The following DCDC1 variants were observed in gnomAD, a reference collection of about 807,000 sequenced individuals.
DCDC1 encodes the protein doublecortin domain containing 1, also known as doublecortin domain-containing protein 1.
In DCDC1, 200 loss-of-function variants were observed where a neutral mutation model predicts 178.3. The ratio of observed to expected loss-of-function variants is 1.12; its 90% CI spans 1.00 to 1.26. The LOEUF (loss-of-function observed/expected upper bound fraction) is 1.26, where lower values mean the gene tolerates loss of function less well. Ranked by LOEUF, DCDC1 falls within the 50% of genes most tolerant of loss-of-function variation. The pLI is 0.00. For synonymous variants in DCDC1, 690 were observed against 604.8 expected (o/e 1.14, Z -2.07); for missense variants, 1,983 against 1,749.2 (o/e 1.13, Z -2.38).
intron 9 of DCDC1, among the ~76,000 whole-genome samples, chr11:31,140,923 T>C (rs1440799401): frequency 6.6e-6 from 1 of 152,170 alleles, no homozygotes; most frequent in Non-Finnish European, 1.5e-5. Flanking sequence ...AGTTTAGTAA[T>C]ATATAGTTCT....
chr11:31,039,434 T>C (rs1336271007), intron 20 of DCDC1, among the ~76,000 whole-genome samples: 1 of 152,216 alleles, frequency 6.6e-6, no homozygotes, highest in Non-Finnish European at 1.5e-5. Flanking sequence ...TTGTTCCACT[T>C]ACTAGCTCTT....
chr11:31,331,944 A>G (rs901395396), intron 2 of DCDC1, among the ~76,000 whole-genome samples: 2 of 152,140 alleles, frequency 1.3e-5, no homozygotes, highest in Non-Finnish European at 2.9e-5. Context: ...GAATAGTTTC[A>G]GAAGAAATGG....
rs541688162 is a variant in DCDC1 at position 30,993,608 on chromosome 11, C to T, written c.2592-41040G>A. 1.1e-3 allele frequency among the ~76,000 whole-genome samples: 168 copies of T among 152,050 alleles called. 1 individual carries two copies. Among genetic ancestry groups the T allele is most frequent in the African/African-American group, 3.5e-3 (145 of 41,524 alleles). Reference sequence around the variant, plus strand: ...AAAACAAGACAATAATAACTGATATCAGAAATGAAAAACAAGACATCACTA... The same window carrying T: ...AAAACAAGACAATAATAACTGATATTAGAAATGAAAAACAAGACATCACTA... On this transcript the variant is annotated intron_variant, in intron 20 of 38. Transcript: ENST00000684477.
At chr11:31,290,485 C>T (rs555482160) in intron 7 of DCDC1, among the ~76,000 whole-genome samples, 162 bp downstream of exon 7, 1 of 152,034 alleles carries the variant, frequency 6.6e-6, no homozygotes, top group Admixed American at 6.6e-5. Flanking sequence ...GTGCAATAAG[C>T]AGACTTATAA....
At chr11:31,006,679 TTGTC>T (rs1169778167) in intron 20 of DCDC1, among the ~76,000 whole-genome samples, 2 of 152,182 alleles carry the variant, frequency 1.3e-5, no homozygotes, top group Non-Finnish European at 2.9e-5. Flanking sequence ...TGACAATACT[TTGTC>T]TGGAGCGTAG....
intron 20 of DCDC1, among the ~76,000 whole-genome samples, chr11:31,015,092 G>A (rs566839294): frequency 1.1e-4 from 16 of 151,696 alleles, no homozygotes; most frequent in Non-Finnish European, 2.1e-4. Context: ...GACTACAGGC[G>A]CCTGCCACCA....
rs549709115 is a variant in DCDC1, at chr11:31,085,955, C to T, written c.2237+5438G>A. ...GTTGCCCAGGCTGGTCTCAAACTCCCGGTCTCAAGCAATCCCTCCCTCCTC... is the reference window on the plus strand; with the variant it reads ...GTTGCCCAGGCTGGTCTCAAACTCCTGGTCTCAAGCAATCCCTCCCTCCTC... On this transcript the variant is annotated intron_variant, in intron 17 of 38. Coordinates refer to ENST00000684477, the MANE Select transcript of DCDC1 (RefSeq NM_001387274.1). Among the ~76,000 whole-genome samples the T allele has an allele frequency of 2.6e-5, 4 of 152,050 alleles. No homozygotes were observed. The East Asian group carries it at 5.8e-4, about 22-fold the overall frequency.
At chr11:31,023,761 G>A (rs1383339973) in intron 20 of DCDC1, among the ~76,000 whole-genome samples, 6 of 151,744 alleles carry the variant, frequency 4.0e-5, no homozygotes, top group Non-Finnish European at 8.8e-5. Flanking sequence ...GATATTAACC[G>A]AGAATTCACA....
intron 6 of DCDC1, among the ~76,000 whole-genome samples, chr11:31,297,367 T>TTA (rs397849398): frequency 2.6e-5 from 4 of 151,762 alleles, no homozygotes; most frequent in African/African-American, 7.3e-5. Context: ...ATTTTTTTTT[T>TTA]AATTTTTTTT....
intron 20 of DCDC1, among the ~76,000 whole-genome samples, chr11:31,014,880 GA>G (rs1467089123): frequency 6.6e-6 from 1 of 151,778 alleles, no homozygotes; most frequent in African/African-American, 2.4e-5. Flanking sequence ...GTATGTTTTA[GA>G]TAGTGCTCTA....
At chr11:31,233,240 GTCTT>G (rs1591493385) in intron 9 of DCDC1, among the ~76,000 whole-genome samples, 2 of 152,220 alleles carry the variant, frequency 1.3e-5, no homozygotes, top group East Asian at 3.9e-4. Context: ...ATTCATGCTA[GTCTT>G]TCTTTTAAGT....
intron 8 of DCDC1, among the ~76,000 whole-genome samples, chr11:31,258,831 T>C (rs532740725): frequency 1.3e-5 from 2 of 152,240 alleles, no homozygotes; most frequent in East Asian, 3.9e-4. Flanking sequence ...GCAACCACTG[T>C]GATTGAAGAT....
At chr11:30,957,199 C>G (rs1948819581) in intron 20 of DCDC1, among the ~76,000 whole-genome samples, 1 of 152,128 alleles carries the variant, frequency 6.6e-6, no homozygotes, top group Non-Finnish European at 1.5e-5. Flanking sequence ...TTTTCCTTCC[C>G]TTCTGCATCA....
intron 9 of DCDC1, among the ~76,000 whole-genome samples, chr11:31,152,851 G>C (rs1241571833): frequency 6.6e-6 from 1 of 152,114 alleles, no homozygotes; most frequent in Non-Finnish European, 1.5e-5. Context: ...CCACAGAACG[G>C]CATAATTAGT....
At chr11:31,019,483 G>T (rs1952722558) in intron 20 of DCDC1, among the ~76,000 whole-genome samples, 1 of 152,168 alleles carries the variant, frequency 6.6e-6, no homozygotes, top group Non-Finnish European at 1.5e-5. Flanking sequence ...GGTTAATGTG[G>T]GGGTGGGGTG....
At chr11:31,062,752 T>C (rs1467270541) in intron 20 of DCDC1, among the ~76,000 whole-genome samples, 3 of 152,020 alleles carry the variant, frequency 2.0e-5, no homozygotes, top group Non-Finnish European at 4.4e-5. Flanking sequence ...GAATATGTAA[T>C]TTAGTAATAT....
intron 8 of DCDC1, among the ~76,000 whole-genome samples, chr11:31,258,184 C>A (rs557523241): frequency 6.6e-6 from 1 of 152,218 alleles, no homozygotes; most frequent in African/African-American, 2.4e-5. Context: ...CAAATCCAGG[C>A]AGAACAATAA....
intron 36 of DCDC1, among the ~76,000 whole-genome samples, chr11:30,886,980 T>C (rs865964591): frequency 2.6e-5 from 4 of 152,276 alleles, no homozygotes; most frequent in Middle Eastern, 3.4e-3. Context: ...ATATAAATAA[T>C]TTAACTAAAA....
intron 21 of DCDC1, among the ~76,000 whole-genome samples, chr11:30,938,846 G>A (rs1302800875): frequency 6.6e-6 from 1 of 152,122 alleles, no homozygotes; most frequent in Non-Finnish European, 1.5e-5. Flanking sequence ...ATGTTGGAGG[G>A]GGCCACGTTG....
Sources: gnomAD v4.1 joint callset for allele counts (sites outside exome capture counted in the v4.1 genomes callset) on GRCh38, gnomAD v4.1.1 for gene constraint, MANE v1.5 for transcripts, NCBI Gene and HGNC (gene_info 2026-07-23, HGNC 2026-07-21) for gene names.